The following HS3ST4 variants were observed in gnomAD, a reference collection of about 807,000 sequenced individuals.
HS3ST4 encodes heparan sulfate-glucosamine 3-sulfotransferase 4.
Under a neutral mutation model 29.2 loss-of-function variants are expected in HS3ST4, and 17 were observed. The ratio of observed to expected loss-of-function variants is 0.58; its 90% CI spans 0.40 to 0.87. The LOEUF is 0.87. HS3ST4 is among the 40% of genes least tolerant of loss of function. The pLI is 0.00. For missense variants in HS3ST4, 627 were observed against 634.5 expected, an observed-to-expected ratio of 0.99 and a Z score of 0.13; for synonymous variants, 314 against 285.7, an observed-to-expected ratio of 1.10 and a Z score of -1.00.
chr16:26,099,702 G>A (rs1898969612), intron 1 of HS3ST4, among the ~76,000 whole-genome samples: 1 of 152,164 alleles, frequency 6.6e-6, no homozygotes, highest in Non-Finnish European at 1.5e-5. Context: ...ACTAGGAATA[G>A]AGCAGTGAGC....
intron 1 of HS3ST4, among the ~76,000 whole-genome samples, chr16:25,954,774 C>T (rs901109907): frequency 6.6e-6 from 1 of 152,024 alleles, no homozygotes; most frequent in Non-Finnish European, 1.5e-5. Flanking sequence ...ATTTGGGATG[C>T]TTGGCTGGTA....
At chr16:25,801,547 G>A (rs1006117534) in intron 1 of HS3ST4, among the ~76,000 whole-genome samples, 14 of 152,306 alleles carry the variant, frequency 9.2e-5, no homozygotes, top group Admixed American at 3.3e-4. Flanking sequence ...TGGGTGTTAA[G>A]AGTTCCTGTT....
chr16:25,696,367 T>C (rs759690969), intron 1 of HS3ST4, among the ~76,000 whole-genome samples: 1 of 152,210 alleles, frequency 6.6e-6, no homozygotes, highest in Non-Finnish European at 1.5e-5. Context: ...AATGCAGAAC[T>C]CATCAAGGTG....
intron 1 of HS3ST4, among the ~76,000 whole-genome samples, chr16:26,098,942 T>C (rs1210377429): frequency 2.6e-5 from 4 of 151,936 alleles, no homozygotes; most frequent in Non-Finnish European, 4.4e-5. Flanking sequence ...AAGGGTGATA[T>C]AGAGGTCCAA....
chr16:26,095,020 G>A (rs1465804036), intron 1 of HS3ST4, among the ~76,000 whole-genome samples: 2 of 152,146 alleles, frequency 1.3e-5, no homozygotes, highest in Admixed American at 1.3e-4. Context: ...GACAAAGAAG[G>A]CCATTACATA....
chr16:25,852,566 A>G (rs913391461), intron 1 of HS3ST4, among the ~76,000 whole-genome samples: 1 of 151,082 alleles, frequency 6.6e-6, no homozygotes, highest in Admixed American at 6.6e-5. Flanking sequence ...TAAATGGGCA[A>G]TCTTTTTTTT....
chr16:26,062,741 G>C (rs1898491985), intron 1 of HS3ST4: 2 of 194,756 alleles, frequency 1.0e-5, no homozygotes, highest in South Asian at 2.1e-4. Context: ...TTTCAATAGT[G>C]ATCTATTTTA....
chr16:25,966,929 A>G (rs1968848618), intron 1 of HS3ST4, among the ~76,000 whole-genome samples: 3 of 152,124 alleles, frequency 2.0e-5, no homozygotes, highest in African/African-American at 7.2e-5. Context: ...AAAATGTTCT[A>G]GAGCAGGAGG....
chr16:25,757,544 T>C (rs965972341), intron 1 of HS3ST4, among the ~76,000 whole-genome samples: 10 of 150,128 alleles, frequency 6.7e-5, no homozygotes, highest in Non-Finnish European at 1.0e-4. Flanking sequence ...CTTGCAATAC[T>C]GTAAACCTTT....
chr16:25,888,049 C>G (rs1486977647), intron 1 of HS3ST4, among the ~76,000 whole-genome samples: 1 of 152,132 alleles, frequency 6.6e-6, no homozygotes, highest in Non-Finnish European at 1.5e-5. Flanking sequence ...CATGTGACAT[C>G]TTCCATAATA....
chr16:25,913,603 G>A (rs570826953), intron 1 of HS3ST4, among the ~76,000 whole-genome samples: 1 of 152,358 alleles, frequency 6.6e-6, no homozygotes, highest in East Asian at 1.9e-4. Context: ...TTTCAAAGAA[G>A]GTGACATGTT....
At chr16:25,976,942 T>C (rs1968950451) in intron 1 of HS3ST4, among the ~76,000 whole-genome samples, 1 of 152,118 alleles carries the variant, frequency 6.6e-6, no homozygotes, top group Non-Finnish European at 1.5e-5. Context: ...TCGCAAAATA[T>C]TTGTGTTTTA....
At chr16:25,902,821 G>A (rs969727911) in intron 1 of HS3ST4, among the ~76,000 whole-genome samples, 1 of 151,770 alleles carries the variant, frequency 6.6e-6, no homozygotes, top group Non-Finnish European at 1.5e-5. Context: ...CGGATGCCTG[G>A]GTGCAGTGGC....
chr16:25,897,894 G>A (rs527362414), intron 1 of HS3ST4, among the ~76,000 whole-genome samples: 4 of 152,058 alleles, frequency 2.6e-5, no homozygotes, highest in Admixed American at 6.5e-5. Flanking sequence ...GAGGACTCTC[G>A]CTATGTGTGA....
intron 1 of HS3ST4, among the ~76,000 whole-genome samples, chr16:25,881,520 A>G (rs1454642223): frequency 6.6e-6 from 1 of 152,184 alleles, no homozygotes; most frequent in Non-Finnish European, 1.5e-5. Context: ...TTGGATAGAC[A>G]TTCAAAAGGG....
chr16:25,798,643 ATCTAGCACAAGGACAAGT>A (rs1165470746), intron 1 of HS3ST4, among the ~76,000 whole-genome samples: 2 of 152,330 alleles, frequency 1.3e-5, no homozygotes, highest in East Asian at 3.9e-4. Context: ...CAATAATAAA[ATCTAGCACAAGGACAAGT>A]TCATCCACAA....
chr16:26,118,497 A>G (rs574923255), intron 1 of HS3ST4, among the ~76,000 whole-genome samples: 3 of 152,298 alleles, frequency 2.0e-5, no homozygotes, highest in Admixed American at 6.5e-5. Flanking sequence ...CTATATCTGC[A>G]CCTCCAAGAC....
At chr16:26,119,513 T>C (rs529390713) in intron 1 of HS3ST4, among the ~76,000 whole-genome samples, 2 of 152,276 alleles carry the variant, frequency 1.3e-5, no homozygotes, top group South Asian at 2.1e-4. Context: ...ATTGAGTGGA[T>C]GGTGATGCCC....
At chr16:25,786,942 C>A (rs568160081) in intron 1 of HS3ST4, among the ~76,000 whole-genome samples, 7 of 152,270 alleles carry the variant, frequency 4.6e-5, no homozygotes, top group Admixed American at 1.3e-4. Context: ...CATGGGAGGA[C>A]CCCCAGCTTC....
Sources: allele counts gnomAD v4.1 joint callset (sites outside exome capture counted in the v4.1 genomes callset), GRCh38; gene constraint gnomAD v4.1.1; transcripts MANE v1.5; gene names NCBI Gene and HGNC (gene_info 2026-07-23, HGNC 2026-07-21).